MAP4: variants seen among roughly 807,000 people sequenced by gnomAD.
The protein encoded by MAP4 is microtubule-associated protein 4.
A neutral mutation model predicts 170.2 loss-of-function variants in MAP4; 76 were observed. The observed-to-expected ratio is 0.45, with a 90% CI of 0.37 to 0.54. The LOEUF is 0.54. Ranked by LOEUF, MAP4 falls within the 20% of genes least tolerant of loss-of-function variation. MAP4 has a pLI of 0.00. For missense variants in MAP4, 2,506 were observed against 2,748.0 expected, an observed-to-expected ratio of 0.91 and a Z score of 1.97; for synonymous variants, 909 against 994.5, an observed-to-expected ratio of 0.91 and a Z score of 1.62.
rs116108896 is a variant in MAP4, at chr3:48,078,067, G to T, written c.-20+10706C>A. On this transcript the variant is annotated intron_variant, in intron 1 of 18. Coordinates refer to the MAP4 transcript ENST00000360240. ...AACGGGTATGAGGTTTCTTTTGGGG[G>T]TAATGAAAATGTTCTGGACTTAGAT... is the stretch of plus-strand genomic sequence containing the variant. Among the ~76,000 whole-genome samples, 253 of 152,260 alleles carry T rather than the reference G, an allele frequency of 1.7e-3. 3 individuals are homozygous for T. The highest frequency in any genetic ancestry group is 5.9e-3 in the African/African-American group (246 of 41,552).
intron 9 of MAP4, among the ~76,000 whole-genome samples, chr3:47,905,994 CAAAAAACAA>C (rs1271281161): frequency 2.1e-5 from 3 of 143,848 alleles, no homozygotes; most frequent in Non-Finnish European, 4.5e-5. Flanking sequence ...AACTCCATCT[CAAAAAACAA>C]AAAAAACAAA....
intron 10 of MAP4, among the ~76,000 whole-genome samples, chr3:47,884,115 T>C (rs2097202283): frequency 6.6e-6 from 1 of 152,194 alleles, no homozygotes; most frequent in South Asian, 2.1e-4. Flanking sequence ...GAGATTCTGA[T>C]GATACAAATG....
chr3:47,881,059 T>C (rs1472015044), intron 10 of MAP4, among the ~76,000 whole-genome samples: 1 of 152,136 alleles, frequency 6.6e-6, no homozygotes, highest in Non-Finnish European at 1.5e-5. Flanking sequence ...GCTCTGTTTT[T>C]TGGTGTGTAT....
intron 3 of MAP4, among the ~76,000 whole-genome samples, chr3:47,967,008 T>C (rs768723060): frequency 2.0e-5 from 3 of 152,184 alleles, no homozygotes; most frequent in Non-Finnish European, 4.4e-5. Context: ...CAAAAAACAT[T>C]GTTCAGATTT....
chr3:47,910,462 T>C lies in MAP4; in HGVS notation c.3959A>G (p.Lys1320Arg). The change falls in exon 9 of 21, where the codon AAG becomes AGG. Residue 1320 changes from lysine to arginine, a missense_variant. Physicochemically the swap from Lys to Arg is conservative, Grantham distance 26. Transcript: ENST00000683076. ...CTCTTGGCAGCTCACATCTGTCACC[T>C]TGGCAGGTGGTTCAGTAACAGTAGA... ...KASTVTEPPAKVTDVSCQEQI... is the reference protein window; with the variant it reads ...KASTVTEPPARVTDVSCQEQI... 2.0e-6 allele frequency: 3 copies of C among 1,536,106 alleles called. No homozygotes were observed. Among genetic ancestry groups the C allele is most frequent in the Non-Finnish European group, 2.6e-6 (3 of 1,146,886 alleles).
intron 1 of MAP4, among the ~76,000 whole-genome samples, chr3:48,085,512 G>A (rs747581023): frequency 2.6e-5 from 4 of 152,222 alleles, no homozygotes; most frequent in Non-Finnish European, 4.4e-5. Context: ...TATTTGAAGA[G>A]ACTACTTAAA....
At chr3:48,003,713 A>C (rs897468176) in intron 1 of MAP4, among the ~76,000 whole-genome samples, 1 of 152,140 alleles carries the variant, frequency 6.6e-6, no homozygotes, top group Admixed American at 6.5e-5. Context: ...CTGAGCATCA[A>C]CTTGATTGGA....
At chr3:48,052,271 G>C (rs958895145) in intron 1 of MAP4, among the ~76,000 whole-genome samples, 3 of 152,176 alleles carry the variant, frequency 2.0e-5, no homozygotes, top group African/African-American at 7.2e-5. Flanking sequence ...GCCCAGGCTG[G>C]AGTGCGGTGG....
chr3:47,906,597 C>T (rs889829588), intron 9 of MAP4, among the ~76,000 whole-genome samples: 13 of 151,548 alleles, frequency 8.6e-5, no homozygotes, highest in African/African-American at 3.1e-4. Context: ...GCAGGAGAAT[C>T]ACTTGAACCC....
intron 10 of MAP4, 163 bp from the exon 11 acceptor site, chr3:47,877,686 T>C (rs940698249): frequency 7.6e-6 from 4 of 528,488 alleles, no homozygotes; most frequent in Non-Finnish European, 1.3e-5. Context: ...CAAGTTCTCA[T>C]TGTGATGGAG....
At chr3:48,056,425 T>C (rs1442954401) in intron 1 of MAP4, among the ~76,000 whole-genome samples, 2 of 77,676 alleles carry the variant, frequency 2.6e-5, no homozygotes, top group African/African-American at 5.1e-5. Context: ...AGCCGCCCCG[T>C]CCGGGAGGGA....
chr3:47,957,560 G>A (rs2100068558), intron 3 of MAP4, among the ~76,000 whole-genome samples: 2 of 152,108 alleles, frequency 1.3e-5, no homozygotes, highest in Non-Finnish European at 2.9e-5. Flanking sequence ...TGATCCTCCT[G>A]CCTTGGCCTC....
At position 48,036,079 on chromosome 3, in the gene MAP4, C is replaced by T. The variant is rs116434541; in HGVS notation, c.-19-37200G>A. Among the ~76,000 whole-genome samples, 568 of 152,244 alleles carry T rather than the reference C, an allele frequency of 3.7e-3. 4 individuals carry two copies. The highest frequency in any genetic ancestry group is 0.013 in the African/African-American group (533 of 41,532). The stretch of plus-strand genomic sequence containing the variant: ...CCCATTTAAAATGAGGACACCAGGG[C>T]ACTTAGAGGTTAAATAACTTGCCTA... On this transcript the variant is annotated intron_variant, in intron 1 of 18. Coordinates refer to the MAP4 transcript ENST00000360240.
chr3:47,991,983 CA>C (rs764539272), intron 2 of MAP4, among the ~76,000 whole-genome samples: 498 of 131,536 alleles, frequency 3.8e-3, no homozygotes, highest in Non-Finnish European at 4.7e-3. Flanking sequence ...ACCCTGTCTT[CA>C]AAAAAAAAAA....
intron 19 of MAP4, 149 bp from the exon 20 acceptor site, chr3:47,853,501 A>G (rs1176807488): frequency 3.2e-6 from 2 of 625,952 alleles, no homozygotes; most frequent in Non-Finnish European, 5.4e-6. Context: ...AATCCCAGGC[A>G]GGTGCCCCGG....
rs147811286 is a variant in MAP4, at chr3:47,944,593, G to A, written c.293-16243C>T. On this transcript the variant is annotated intron_variant, in intron 3 of 20. Coordinates refer to ENST00000683076, the MANE Select transcript of MAP4 (RefSeq NM_001385682.1). ...AAACCAGAGAATATGCAAAATACAC[G>A]TGATTCTCCTTTCCAAGGACAGCAA... Among the ~76,000 whole-genome samples the A allele has an allele frequency of 4.0e-3, 614 of 151,864 alleles. 9 individuals are homozygous for A. The highest frequency in any genetic ancestry group is 0.014 in the African/African-American group (595 of 41,452).
At chr3:47,861,396 A>G (rs1028399882) in intron 17 of MAP4, among the ~76,000 whole-genome samples, 2 of 138,406 alleles carry the variant, frequency 1.4e-5, no homozygotes, top group African/African-American at 5.6e-5. Context: ...CTTTGTCGCC[A>G]GGCTGGAGTC....
At chr3:47,974,984 G>A (rs1578607916) in intron 3 of MAP4, 5 of 986,116 alleles carry the variant, frequency 5.1e-6, no homozygotes, top group Admixed American at 6.1e-5. Flanking sequence ...AAGGAAATTC[G>A]CTGCAGTACT....
At chr3:48,058,899 G>A (rs2100133665) in intron 1 of MAP4, among the ~76,000 whole-genome samples, 1 of 152,060 alleles carries the variant, frequency 6.6e-6, no homozygotes, top group Non-Finnish European at 1.5e-5. Flanking sequence ...CCCTGCCTCA[G>A]CCTCCGAGTA....
Sources: gnomAD v4.1 joint callset for allele counts (sites outside exome capture counted in the v4.1 genomes callset) on GRCh38, gnomAD v4.1.1 for gene constraint, MANE v1.5 for transcripts, NCBI Gene and HGNC (gene_info 2026-07-23, HGNC 2026-07-21) for gene names.